Variants in TADA1 observed in about 807,000 individuals in gnomAD.
The protein encoded by TADA1 is transcriptional adapter 1.
TADA1 carries 23 observed loss-of-function variants against 39.3 expected under a neutral mutation model. The ratio of observed to expected loss-of-function variants is 0.58; its 90% confidence interval spans 0.42 to 0.83. TADA1 has a LOEUF of 0.83. Among genes scored for constraint, TADA1 ranks in the 40% least tolerant of loss-of-function variants. The probability of loss-of-function intolerance (pLI) is 0.00; values close to 1 mark genes in which losing one functional copy is unlikely to be tolerated. For missense variants in TADA1, 352 were observed against 408.1 expected, an observed-to-expected ratio of 0.86 and a Z score of 1.18; for synonymous variants, 137 against 151.8, an observed-to-expected ratio of 0.90 and a Z score of 0.72.
At chr1:166,865,299 A>G (rs1305074406) in intron 3 of TADA1, among the ~76,000 whole-genome samples, 2 of 152,182 alleles carry the variant, frequency 1.3e-5, no homozygotes, top group Non-Finnish European at 2.9e-5. Flanking sequence ...TGTTAAAATC[A>G]GTTAATCCAG....
At chr1:166,858,416 A>AT in intron 6 of TADA1, 135 bp from the exon 7 acceptor site, 18 of 545,386 alleles carry the variant, frequency 3.3e-5, no homozygotes, top group Non-Finnish European at 5.2e-5. Flanking sequence ...TCCTGTAGAC[A>AT]TGAATAATCT....
intron 4 of TADA1, chr1:166,863,102 C>T (rs1470995361): frequency 6.6e-6 from 1 of 152,288 alleles, no homozygotes; most frequent in Non-Finnish European, 1.5e-5. Context: ...ATGGTTTGTC[C>T]CTGTTTGAAA....
At position 166,869,976 on chromosome 1, in the gene TADA1, A is replaced by G. The variant is rs796445248; in HGVS notation, c.75-122T>C. 7 of 749,536 alleles carry G rather than the reference A, an allele frequency of 9.3e-6. No individual in the cohort carries two copies. In the African/African-American group the frequency reaches 1.2e-4, roughly 13 times the overall value. 46.4% of individuals were successfully genotyped at this position (749,536 alleles called of 1,614,324 possible). On this transcript the variant is annotated intron_variant, in intron 1 of 7. Coordinates refer to ENST00000367874, the MANE Select transcript of TADA1 (RefSeq NM_053053.4). ...TGTCACTCAGGCTGGAGTGCAGGGG[A>G]ACAATCAGAGCTCTGAACTTCTGGC...
chr1:166,857,780 A>C, intron 7 of TADA1, 61 bp from the exon 8 acceptor site: 2 of 1,567,188 alleles, frequency 1.3e-6, no homozygotes, highest in Non-Finnish European at 8.7e-7. Context: ...TTTCTGACAT[A>C]TAAAAGGGTT....
intron 3 of TADA1, among the ~76,000 whole-genome samples, chr1:166,865,372 T>C (rs1658506389): frequency 6.6e-6 from 1 of 151,856 alleles, no homozygotes; most frequent in Non-Finnish European, 1.5e-5. Flanking sequence ...AAACAAAAAG[T>C]AGTTGCCTTT....
intron 3 of TADA1, among the ~76,000 whole-genome samples, chr1:166,864,563 A>G (rs1658487216): frequency 6.6e-6 from 1 of 152,178 alleles, no homozygotes. Flanking sequence ...AACAAAATTA[A>G]TGGAATGTCT....
At chr1:166,859,772 A>ACTCCTC (rs71810076) in intron 6 of TADA1, among the ~76,000 whole-genome samples, 1 of 150,224 alleles carries the variant, frequency 6.7e-6, no homozygotes, top group Non-Finnish European at 1.5e-5. Context: ...AACATCTACC[A>ACTCCTC]CTCCTCCTCC....
In TADA1 at chr1:166,857,679, A is replaced by G. The variant is rs754739117; in HGVS notation, c.896T>C (p.Leu299Pro). The G allele has an allele frequency of 1.1e-5, 17 of 1,614,206 alleles. No individual in the cohort carries two copies. Among genetic ancestry groups the G allele is most frequent in the Non-Finnish European group, 1.4e-5 (17 of 1,180,028 alleles). Residue 299 changes from leucine (L) to proline (P), a missense_variant, in exon 8 of 8, where the codon CTT becomes CCT. Leu to Pro is a moderately conservative substitution (Grantham distance 98). Around this residue, in one of 3 missense-constraint regions of TADA1, gnomAD observed 285 missense variants for 310.9 expected, o/e 0.92. Transcript: ENST00000367874. The part of the protein sequence containing the change: ...EVIPTHTVYA[L>P]NIERIITKLW... ...TTTCGTGATGATCCTTTCAATGTTAAGAGCATAGACAGTATGTGTAGGGAT... is the reference window on the plus strand; with the variant it reads ...TTTCGTGATGATCCTTTCAATGTTAGGAGCATAGACAGTATGTGTAGGGAT...
chr1:166,875,506 C>T (rs1038448855), intron 1 of TADA1, among the ~76,000 whole-genome samples: 1 of 152,214 alleles, frequency 6.6e-6, no homozygotes, highest in African/African-American at 2.4e-5. Flanking sequence ...TCTCAGTCTT[C>T]TCATCTGTCA....
chr1:166,864,813 TG>T (rs986371840), intron 3 of TADA1, among the ~76,000 whole-genome samples: 2 of 151,640 alleles, frequency 1.3e-5, no homozygotes, highest in African/African-American at 2.4e-5. Flanking sequence ...AGAAGGAAGG[TG>T]GGGAGGGAAT....
At chr1:166,865,567 A>G (rs1658510520) in intron 3 of TADA1, among the ~76,000 whole-genome samples, 1 of 152,074 alleles carries the variant, frequency 6.6e-6, no homozygotes, top group Non-Finnish European at 1.5e-5. Flanking sequence ...TAATCCCGAC[A>G]CTTTGGGAGG....
At position 166,857,460 on chromosome 1, in the gene TADA1, G is replaced by A; in HGVS notation, c.*107C>T. On this transcript the variant is annotated 3_prime_UTR_variant, in exon 8 of 8. Transcript: ENST00000367874. ...CTCAATGTCACATTTCCATAGGAAA[G>A]GTTATATATACACTATACACTTCAG... 4.0e-6 allele frequency: 5 copies of A among 1,261,896 alleles called. No individual in the cohort carries two copies. The highest frequency in any genetic ancestry group is 4.4e-6 in the Non-Finnish European group (4 of 906,500). The allele number at this position is 1,261,896 out of a possible 1,614,324, so 78.2% of individuals were successfully genotyped here. A position where few individuals can be genotyped will look rare whatever the true frequency, so the allele number is the denominator to read the frequency against.
rs561090697 is a variant in TADA1, at chr1:166,857,467, T to C, written c.*100A>G. The C allele has an allele frequency of 1.0e-5, 14 of 1,335,088 alleles. No individual in the cohort carries two copies. Among genetic ancestry groups the C allele is most frequent in the Non-Finnish European group, 1.5e-5 (14 of 963,554 alleles). 82.7% of individuals were successfully genotyped at this position (1,335,088 alleles called of 1,614,324 possible). On this transcript the variant is annotated 3_prime_UTR_variant, in exon 8 of 8. Transcript: ENST00000367874. ...TCACATTTCCATAGGAAAGGTTATA[T>C]ATACACTATACACTTCAGCCTTGAA...
intron 1 of TADA1, among the ~76,000 whole-genome samples, chr1:166,873,396 T>C (rs569569887): frequency 1.3e-5 from 2 of 152,346 alleles, no homozygotes; most frequent in African/African-American, 4.8e-5. Flanking sequence ...AAAGCCCATG[T>C]CTTCCTGGAA....
intron 1 of TADA1, among the ~76,000 whole-genome samples, chr1:166,872,678 A>T (rs1658683498): frequency 6.6e-6 from 1 of 152,038 alleles, no homozygotes; most frequent in Admixed American, 6.5e-5. Flanking sequence ...GTCTCCAAAA[A>T]AAAAAACCAA....
In TADA1 at chr1:166,856,653, C is replaced by A. The variant is rs1198719425; in HGVS notation, c.*914G>T. 1 of 152,628 alleles carries A rather than the reference C, an allele frequency of 6.6e-6. No individual in the cohort carries two copies. The highest frequency in any genetic ancestry group is 6.5e-5 in the Admixed American group (1 of 15,282). The allele number at this position is 152,628 out of a possible 1,614,324, so 9.5% of individuals were successfully genotyped here. A position where few individuals can be genotyped will look rare whatever the true frequency, so the allele number is the denominator to read the frequency against. On this transcript the variant is annotated 3_prime_UTR_variant, in exon 8 of 8. Transcript: ENST00000367874. ...CTATACATTCTAATTTATCTATCAA[C>A]ACTATCCCTTAAGTAAAAAGCAACA... is the stretch of plus-strand genomic sequence containing the variant.
chr1:166,863,779 C>T (rs1394593603), intron 4 of TADA1, 45 bp downstream of exon 4: 3 of 1,548,090 alleles, frequency 1.9e-6, no homozygotes, highest in East Asian at 4.5e-5. Context: ...CAACATGCCA[C>T]TACTTCAATC....
At chr1:166,862,768 A>C (rs1433289941) in intron 4 of TADA1, 1 of 266,866 alleles carries the variant, frequency 3.7e-6, no homozygotes, top group Non-Finnish European at 7.2e-6. Context: ...TCTAACCGTA[A>C]GTAGGTTCTA....
intron 6 of TADA1, 146 bp downstream of exon 6, chr1:166,860,040 G>A (rs1197894586): frequency 2.3e-5 from 18 of 776,554 alleles, no homozygotes; most frequent in Non-Finnish European, 1.6e-5. Flanking sequence ...TCTCAGGCAA[G>A]TATAGGACTT....
Sources: gnomAD v4.1 joint callset for allele counts (sites outside exome capture counted in the v4.1 genomes callset) on GRCh38, gnomAD v4.1.1 for gene constraint, gnomAD v4.1.1 regional missense constraint, MANE v1.5 for transcripts, NCBI Gene and HGNC (gene_info 2026-07-23, HGNC 2026-07-21) for gene names.